The following TAB3 variants were observed in gnomAD, a reference collection of about 807,000 sequenced individuals.
The protein encoded by TAB3 is TGF-beta activated kinase 1 (MAP3K7) binding protein 3, also known as TGF-beta-activated kinase 1 and MAP3K7-binding protein 3.
A neutral mutation model predicts 48.1 loss-of-function variants in TAB3; 18 were observed. The ratio of observed to expected loss-of-function variants is 0.37; its 90% CI spans 0.26 to 0.55. The LOEUF (loss-of-function observed/expected upper bound fraction) is 0.55. Ranked by LOEUF, TAB3 falls within the 20% of genes least tolerant of loss-of-function variation. The probability of loss-of-function intolerance (pLI) is 0.78; values close to 1 mark genes in which losing one functional copy is unlikely to be tolerated. For synonymous variants in TAB3, 185 were observed against 190.2 expected, an observed-to-expected ratio of 0.97 and a Z score of 0.22; for missense variants, 414 against 549.8, an observed-to-expected ratio of 0.75 and a Z score of 2.47.
intron 7 of TAB3, among the ~76,000 whole-genome samples, chrX:30,849,293 T>C (rs1938749653): frequency 8.9e-6 from 1 of 112,493 alleles, no homozygotes; most frequent in South Asian, 3.7e-4. Context: ...TCTTATATCT[T>C]GCACTTCTGC....
rs747959260 is a variant in TAB3, at chrX:30,859,385, C to CACAT, written c.102+101_102+102insATGT. 1,377 of 593,000 alleles carry CACAT rather than the reference C, an allele frequency of 2.3e-3. 6 individuals are homozygous for CACAT. The highest frequency in any genetic ancestry group is 0.016 in the African/African-American group (705 of 43,637). The allele number at this position is 593,000 out of a possible 1,213,427, so 48.9% of individuals were successfully genotyped here. A position where few individuals can be genotyped will look rare whatever the true frequency, so the allele number is the denominator to read the frequency against. ...CCACACACACACACACACACACACA[C>CACAT]ACACACAAGAAAACATACCTGGGTT... is the stretch of plus-strand genomic sequence containing the variant. On this transcript the variant is annotated intron_variant, in intron 5 of 10. Coordinates refer to ENST00000288422, the MANE Select transcript of TAB3 (RefSeq NM_152787.5).
chrX:30,836,257 T>C (rs1329279863), intron 9 of TAB3: 2 of 111,830 alleles, frequency 1.8e-5, no homozygotes, highest in Non-Finnish European at 3.8e-5. Context: ...ATATATATTA[T>C]TATAGAATTA....
At chrX:30,855,599 A>T in intron 5 of TAB3, 37 bp from the exon 6 acceptor site, 1 of 1,136,734 alleles carries the variant, frequency 8.8e-7, no homozygotes, top group South Asian at 2.1e-5. Flanking sequence ...CATTGGCAAC[A>T]TTAACAAATT....
chrX:30,836,371 C>A (rs1018839511), intron 9 of TAB3: 6 of 111,311 alleles, frequency 5.4e-5, no homozygotes, highest in Non-Finnish European at 1.1e-4. Context: ...GAATATTAAA[C>A]TGCTTGGGGT....
At chrX:30,877,836 T>TA (rs754805452) in intron 1 of TAB3, among the ~76,000 whole-genome samples, 2 of 111,476 alleles carry the variant, frequency 1.8e-5, no homozygotes, top group Admixed American at 9.5e-5. Flanking sequence ...CAGATTGGGT[T>TA]AAAAAAAATC....
intron 5 of TAB3, among the ~76,000 whole-genome samples, chrX:30,857,634 T>A (rs974220549): frequency 1.8e-5 from 2 of 111,459 alleles, no homozygotes; most frequent in Admixed American, 1.9e-4. Flanking sequence ...AAAGTTGGAA[T>A]TGTCAGCATA....
chrX:30,866,483 G>A (rs1237249920), intron 4 of TAB3, among the ~76,000 whole-genome samples: 2 of 110,208 alleles, frequency 1.8e-5, no homozygotes, highest in Admixed American at 9.8e-5. Flanking sequence ...TGAGCCTGGA[G>A]CATCTTGTAG....
rs1938112755 is a variant in TAB3 at position 30,834,070 on chromosome X, G to A, written c.1971C>T (p.Thr657=). The change falls in exon 10 of 11, where the codon ACC becomes ACT. Residue 657 remains threonine (T), a synonymous_variant. Coordinates refer to ENST00000288422, the MANE Select transcript of TAB3 (RefSeq NM_152787.5). ...ACAAACCATCTGCAGCTGCTGCCTG[G>A]GTGTCATGGATGTCTGCCTGTACTT... is the stretch of plus-strand genomic sequence containing the variant. ...TSKVQADIHD[T]QAAAADEHRT... is the part of the protein sequence containing the mutation. The A allele has an allele frequency of 8.3e-7, 1 of 1,211,009 alleles. No individual in the cohort carries two copies. The highest frequency in any genetic ancestry group is 3.0e-5 in the East Asian group (1 of 33,842).
intron 1 of TAB3, among the ~76,000 whole-genome samples, chrX:30,874,462 T>C (rs1407571159): frequency 8.9e-6 from 1 of 112,245 alleles, no homozygotes; most frequent in African/African-American, 3.2e-5. Flanking sequence ...TATGTAACTG[T>C]AGCATCAGAG....
chrX:30,848,651 G>C (rs1373035912), intron 7 of TAB3, among the ~76,000 whole-genome samples: 1 of 111,482 alleles, frequency 9.0e-6, no homozygotes, highest in East Asian at 2.8e-4. Flanking sequence ...ACTGAGGGGG[G>C]AAAAAAAGCA....
chrX:30,841,022 A>G (rs140769916), intron 9 of TAB3, among the ~76,000 whole-genome samples: 2,048 of 112,663 alleles, frequency 0.018, 36 homozygotes, highest in African/African-American at 0.055. Context: ...AATGCTAACT[A>G]TACACCTCAG....
rs1938909106 is a variant in TAB3 at position 30,852,861 on chromosome X, A to G, written c.1627T>C (p.Leu543=). The part of the protein sequence containing the change: ...LKLEKEELER[L]KSEVNGMEHD... ...TCCATACCATTAACTTCAGACTTCA[A>G]CCGCTCTAGCTCCTCTTTCTCAAGT... Residue 543 remains leucine (L), a synonymous_variant, in exon 7 of 11, where the codon TTG becomes CTG. Coordinates refer to ENST00000288422, the MANE Select transcript of TAB3 (RefSeq NM_152787.5). 7 of 1,209,443 alleles carry G rather than the reference A, an allele frequency of 5.8e-6. No homozygotes were observed. Among genetic ancestry groups the G allele is most frequent in the Non-Finnish European group, 6.7e-6 (6 of 894,954 alleles).
chrX:30,881,715 C>T (rs1940004101), intron 1 of TAB3, among the ~76,000 whole-genome samples: 1 of 111,772 alleles, frequency 8.9e-6, no homozygotes, highest in Non-Finnish European at 1.9e-5. Context: ...ATTTACACAT[C>T]TAGTCAAACT....
chrX:30,857,192 T>C (rs1013231660), intron 5 of TAB3, among the ~76,000 whole-genome samples: 1 of 111,964 alleles, frequency 8.9e-6, no homozygotes, highest in African/African-American at 3.2e-5. Flanking sequence ...ATAATCAATA[T>C]AGAAAATTTA....
chrX:30,842,615 T>C (rs1938488843), intron 9 of TAB3, among the ~76,000 whole-genome samples: 1 of 109,315 alleles, frequency 9.1e-6, no homozygotes, highest in African/African-American at 3.3e-5. Flanking sequence ...GGTAAATTTG[T>C]TGAGACCAGT....
chrX:30,868,790 T>C lies in TAB3; in HGVS notation c.-279-1241A>G, dbSNP rs1470890708. On this transcript the variant is annotated intron_variant, in intron 2 of 10. Transcript: ENST00000288422. Reference sequence around the variant, plus strand: ...ATATTGGCTTTTATCAGAGCTATCATACATACAAGTTTCTAATTGATCTCC... The same window carrying C: ...ATATTGGCTTTTATCAGAGCTATCACACATACAAGTTTCTAATTGATCTCC... Among the ~76,000 whole-genome samples, 3 of 106,350 alleles carry C rather than the reference T, an allele frequency of 2.8e-5. No individual in the cohort carries two copies. In the Admixed American group the frequency reaches 3.1e-4, roughly 11 times the overall value. The allele number at this position is 106,350 out of a possible 115,157, so 92.4% of individuals were successfully genotyped here. A position where few individuals can be genotyped will look rare whatever the true frequency, so the allele number is the denominator to read the frequency against.
Position 30,829,768 on chromosome X carries a change from C to T in TAB3, c.*1659G>A, listed in dbSNP as rs1343767253. 9.7e-6 allele frequency: 1 copy of T among 103,528 alleles called. No individual in the cohort carries two copies. 8.5% of individuals were successfully genotyped at this position (103,528 alleles called of 1,213,427 possible). A position where few individuals can be genotyped will look rare whatever the true frequency, so the allele number is the denominator to read the frequency against. On this transcript the variant is annotated 3_prime_UTR_variant, in exon 11 of 11. Transcript: ENST00000288422. ...GGAAAACTATGATGAGTTATTACGC[C>T]TTTGGTTTCATTATGCTATTAAGAG...
chrX:30,869,944 G>C (rs1273288354), intron 2 of TAB3, among the ~76,000 whole-genome samples: 2 of 112,542 alleles, frequency 1.8e-5, no homozygotes, highest in Non-Finnish European at 3.8e-5. Context: ...AGGTATGTGC[G>C]TATGTACTAG....
chrX:30,854,776 G>A lies in TAB3; in HGVS notation c.889C>T (p.Pro297Ser), dbSNP rs866151275. 10 of 1,209,274 alleles carry A rather than the reference G, an allele frequency of 8.3e-6. No individual in the cohort carries two copies. The Admixed American group carries it at 8.8e-5, about 11-fold the overall frequency. ...CTGAAGGGTGAAGGACATTGAGAAG[G>A]AGGTGGTGAATGGTAAGCAGACTGA... ...IPQSAYHSPPPSQCPSPFSSP... is the reference protein window; with the variant it reads ...IPQSAYHSPPSSQCPSPFSSP... The change falls in exon 6 of 11, where the codon CCT (proline) becomes TCT (serine). Residue 297 changes from proline (P) to serine (S), a missense_variant. Coordinates refer to ENST00000288422, the MANE Select transcript of TAB3 (RefSeq NM_152787.5).
Sources: allele counts gnomAD v4.1 joint callset (sites outside exome capture counted in the v4.1 genomes callset), GRCh38; gene constraint gnomAD v4.1.1; transcripts MANE v1.5; gene names NCBI Gene and HGNC (gene_info 2026-07-23, HGNC 2026-07-21).